GABRB3: variants seen among roughly 807,000 people sequenced by gnomAD.
GABRB3 encodes the protein gamma-aminobutyric acid receptor subunit beta-3.
In GABRB3, 14 loss-of-function variants were observed where a neutral mutation model predicts 52.1. The ratio of observed to expected loss-of-function variants is 0.27; its 90% confidence interval spans 0.18 to 0.42. The LOEUF is 0.42. Ranked by LOEUF, GABRB3 falls within the 10% of genes least tolerant of loss-of-function variation. GABRB3 has a pLI of 1.00. For synonymous variants in GABRB3, 260 were observed against 232.3 expected (o/e 1.12, Z -1.08); for missense variants, 307 against 609.1 (o/e 0.50, Z 5.22).
intron 3 of GABRB3, among the ~76,000 whole-genome samples, chr15:26,695,091 T>C (rs1170662679): frequency 1.3e-5 from 2 of 152,098 alleles, no homozygotes; most frequent in Non-Finnish European, 2.9e-5. Flanking sequence ...GTATATGTAA[T>C]GGTAATAACA....
At chr15:26,640,386 G>A (rs754881911) in intron 3 of GABRB3, among the ~76,000 whole-genome samples, 6 of 152,062 alleles carry the variant, frequency 3.9e-5, no homozygotes, top group African/African-American at 9.7e-5. Flanking sequence ...GTGTGGTGGC[G>A]GGCATCTATA....
upstream of GABRB3, chr15:26,773,721 A>G: frequency 6.4e-7 from 1 of 1,565,908 alleles, no homozygotes; most frequent in Non-Finnish European, 8.7e-7. Context: ...AGCCCGGAGC[A>G]CATGGCGCTG....
At chr15:26,703,745 A>T (rs1007027667) in intron 3 of GABRB3, among the ~76,000 whole-genome samples, 1 of 152,222 alleles carries the variant, frequency 6.6e-6, no homozygotes, top group African/African-American at 2.4e-5. Context: ...ACAGGTCCCA[A>T]GTAAGTCCAA....
chr15:26,566,594 T>C (rs1378178168), intron 7 of GABRB3, among the ~76,000 whole-genome samples: 1 of 152,080 alleles, frequency 6.6e-6, no homozygotes, highest in Non-Finnish European at 1.5e-5. Flanking sequence ...AGTGTGGTGG[T>C]GTGTGCCTGT....
chr15:26,765,685 G>C (rs996251106), intron 3 of GABRB3, among the ~76,000 whole-genome samples: 1 of 152,154 alleles, frequency 6.6e-6, no homozygotes, highest in African/African-American at 2.4e-5. Flanking sequence ...CTCACGGAGT[G>C]TATGCTCTAA....
intron 6 of GABRB3, among the ~76,000 whole-genome samples, chr15:26,578,486 C>T (rs942231579): frequency 2.0e-5 from 3 of 152,182 alleles, no homozygotes; most frequent in African/African-American, 7.2e-5. Context: ...ATGTGTTCTA[C>T]CACATACAGA....
In GABRB3 at chr15:26,759,782, T is replaced by C. The variant is rs146380049; in HGVS notation, c.240+12620A>G. ...AAAAATGGTGCATGAATTAAATGTA[T>C]GTAAAATGTTCTAAAAAACCTGAAT... is the stretch of plus-strand genomic sequence containing the variant. On this transcript the variant is annotated intron_variant, in intron 3 of 8. Coordinates refer to ENST00000311550, the MANE Select transcript of GABRB3 (RefSeq NM_000814.6). 2.3e-3 allele frequency among the ~76,000 whole-genome samples: 352 copies of C among 152,334 alleles called. 1 individual carries two copies. The highest frequency in any genetic ancestry group is 8.2e-3 in the African/African-American group (339 of 41,566).
chr15:26,618,359 C>T (rs1369597934), intron 4 of GABRB3, among the ~76,000 whole-genome samples: 2 of 151,806 alleles, frequency 1.3e-5, no homozygotes, highest in Non-Finnish European at 2.9e-5. Context: ...AGAAATAACG[C>T]CACATATCTA....
chr15:26,553,146 TTTTTG>T (rs766809752), intron 8 of GABRB3, among the ~76,000 whole-genome samples: 2 of 152,078 alleles, frequency 1.3e-5, no homozygotes, highest in Non-Finnish European at 2.9e-5. Flanking sequence ...TTATAGGTGT[TTTTTG>T]TTTTGTTTTG....
At chr15:26,725,329 T>G (rs1889742466) in intron 3 of GABRB3, among the ~76,000 whole-genome samples, 1 of 151,974 alleles carries the variant, frequency 6.6e-6, no homozygotes, top group Admixed American at 6.5e-5. Flanking sequence ...AATTCCACCA[T>G]CCCTCCCCAG....
chr15:26,611,783 G>A (rs1035959242), intron 4 of GABRB3: 9 of 152,160 alleles, frequency 5.9e-5, no homozygotes, highest in African/African-American at 1.9e-4. Context: ...GGAGAAGTTG[G>A]TTAAATTAAC....
intron 3 of GABRB3, among the ~76,000 whole-genome samples, chr15:26,651,201 G>A (rs1205785007): frequency 6.6e-6 from 1 of 152,186 alleles, no homozygotes; most frequent in African/African-American, 2.4e-5. Flanking sequence ...CGCCACCTAG[G>A]CACCACTGCA....
At chr15:26,628,697 AC>A (rs916776843) in intron 3 of GABRB3, among the ~76,000 whole-genome samples, 23 of 131,920 alleles carry the variant, frequency 1.7e-4, no homozygotes, top group South Asian at 5.0e-4. Context: ...AAACAAAAAA[AC>A]AAAACAAAAC....
In GABRB3 at chr15:26,753,638, G is replaced by C. The variant is rs570873612; in HGVS notation, c.240+18764C>G. Among the ~76,000 whole-genome samples, 225 of 152,262 alleles carry C rather than the reference G, an allele frequency of 1.5e-3. 2 individuals carry two copies. In the Middle Eastern group the frequency reaches 0.024, roughly 16 times the overall value. ...TTAGAGGCAGTGCAGCCAAGCAAAG[G>C]GATTGGCCAGTCTCTTTTAAATACA... On this transcript the variant is annotated intron_variant, in intron 3 of 8. Coordinates refer to ENST00000311550, the MANE Select transcript of GABRB3 (RefSeq NM_000814.6).
intron 3 of GABRB3, among the ~76,000 whole-genome samples, chr15:26,744,752 G>C (rs558636280): frequency 6.6e-6 from 1 of 152,230 alleles, no homozygotes; most frequent in African/African-American, 2.4e-5. Flanking sequence ...ATTAAAACTT[G>C]AATAATCAGT....
chr15:26,764,499 C>T (rs1042957662), intron 3 of GABRB3, among the ~76,000 whole-genome samples: 1 of 151,798 alleles, frequency 6.6e-6, no homozygotes, highest in Admixed American at 6.6e-5. Context: ...TGGAAAAATG[C>T]AAAAAGAGAT....
chr15:26,651,803 A>G (rs2140591470), intron 3 of GABRB3, among the ~76,000 whole-genome samples: 1 of 152,308 alleles, frequency 6.6e-6, no homozygotes, highest in East Asian at 1.9e-4. Flanking sequence ...GAGGCCCTGA[A>G]GGAAATCAAA....
chr15:26,685,759 G>A (rs543159999), intron 3 of GABRB3, among the ~76,000 whole-genome samples: 10 of 151,438 alleles, frequency 6.6e-5, no homozygotes, highest in African/African-American at 1.7e-4. Flanking sequence ...ATGTACAGCC[G>A]ATGGCAGGAA....
chr15:26,581,397 A>C lies in GABRB3; in HGVS notation c.545-941T>G, dbSNP rs142157387. Among the ~76,000 whole-genome samples, 43 of 152,336 alleles carry C rather than the reference A, an allele frequency of 2.8e-4. 1 individual carries two copies. In the East Asian group the frequency reaches 8.3e-3, roughly 29 times the overall value. On this transcript the variant is annotated intron_variant, in intron 5 of 8. Coordinates refer to ENST00000311550, the MANE Select transcript of GABRB3 (RefSeq NM_000814.6). ...TGGGGAAGAGTTGCTCCCCACAGCT[A>C]ATGCCACCTTCCTGGTCCTACCTAC...
Sources: gnomAD v4.1 joint callset for allele counts (sites outside exome capture counted in the v4.1 genomes callset) on GRCh38, gnomAD v4.1.1 for gene constraint, MANE v1.5 for transcripts, NCBI Gene and HGNC (gene_info 2026-07-23, HGNC 2026-07-21) for gene names.